SLC39A11: variants seen among roughly 807,000 people sequenced by gnomAD.
SLC39A11 encodes solute carrier family 39 member 11, also known as zinc transporter ZIP11.
A neutral mutation model predicts 36.1 loss-of-function variants in SLC39A11; 33 were observed. The ratio of observed to expected loss-of-function variants is 0.91; its 90% confidence interval spans 0.69 to 1.22. The LOEUF (loss-of-function observed/expected upper bound fraction) is 1.22. SLC39A11 is among the 50% of genes most tolerant of loss of function. The pLI, the probability that SLC39A11 is intolerant of heterozygous loss-of-function variation, is 0.00. For synonymous variants in SLC39A11, 166 were observed against 170.3 expected (o/e 0.97, Z 0.20); for missense variants, 432 against 430.3 (o/e 1.00, Z -0.03).
At chr17:72,661,538 T>C (rs2070420153) in intron 7 of SLC39A11, among the ~76,000 whole-genome samples, 1 of 152,194 alleles carries the variant, frequency 6.6e-6, no homozygotes, top group Non-Finnish European at 1.5e-5. Flanking sequence ...GGCAGGCCCT[T>C]ACATACTGTT....
intron 7 of SLC39A11, among the ~76,000 whole-genome samples, chr17:72,735,346 C>T (rs1033296640): frequency 2.6e-5 from 4 of 152,014 alleles, no homozygotes; most frequent in South Asian, 2.1e-4. Flanking sequence ...GTCCTCAGGG[C>T]GCATAAACAG....
intron 6 of SLC39A11, among the ~76,000 whole-genome samples, chr17:72,755,178 C>T (rs1450765284): frequency 2.0e-5 from 3 of 152,180 alleles, no homozygotes; most frequent in Admixed American, 2.0e-4. Context: ...GGCTTTCAAA[C>T]AGCTGCTGGG....
chr17:72,781,807 A>C (rs2076327766), intron 6 of SLC39A11, among the ~76,000 whole-genome samples: 1 of 152,084 alleles, frequency 6.6e-6, no homozygotes, highest in Non-Finnish European at 1.5e-5. Flanking sequence ...GAGCAGATGC[A>C]AGACGCTTTA....
intron 5 of SLC39A11, among the ~76,000 whole-genome samples, chr17:72,915,854 GT>G (rs1246954734): frequency 6.6e-6 from 1 of 152,208 alleles, no homozygotes; most frequent in Non-Finnish European, 1.5e-5. Flanking sequence ...AGTCTGCTAA[GT>G]AGACATTTTT....
chr17:72,728,828 C>T lies in SLC39A11; in HGVS notation c.671+7822G>A, dbSNP rs926082261. Among the ~76,000 whole-genome samples, 6 of 152,154 alleles carry T rather than the reference C, an allele frequency of 3.9e-5. No homozygotes were observed. The East Asian group carries it at 5.8e-4, about 15-fold the overall frequency. ...CCTTCTTCCCTCTCAGTTCACTCCA[C>T]GGCACGAGATTAACCTACGTCTCCT... On this transcript the variant is annotated intron_variant, in intron 7 of 9. Coordinates refer to ENST00000255559, the MANE Select transcript of SLC39A11 (RefSeq NM_139177.4).
intron 7 of SLC39A11, among the ~76,000 whole-genome samples, chr17:72,651,319 C>T (rs777386906): frequency 2.0e-5 from 3 of 151,792 alleles, no homozygotes; most frequent in Non-Finnish European, 4.4e-5. Context: ...GGAAAGCAGT[C>T]AAGCCCACCC....
intron 6 of SLC39A11, among the ~76,000 whole-genome samples, chr17:72,848,464 A>C (rs1156357819): frequency 6.6e-6 from 1 of 152,242 alleles, no homozygotes; most frequent in African/African-American, 2.4e-5. Context: ...TCACGCCTGT[A>C]GTCCCAACAC....
At chr17:73,042,250 A>C (rs1163143119) in intron 3 of SLC39A11, among the ~76,000 whole-genome samples, 1 of 152,244 alleles carries the variant, frequency 6.6e-6, no homozygotes. Flanking sequence ...TCTCGTAACA[A>C]ATAGGGGAAA....
chr17:72,762,505 C>T (rs2075623782), intron 6 of SLC39A11, among the ~76,000 whole-genome samples: 1 of 152,194 alleles, frequency 6.6e-6, no homozygotes, highest in Non-Finnish European at 1.5e-5. Flanking sequence ...TAATCCACCC[C>T]TTGTTTAGCA....
chr17:72,784,835 C>A (rs1174264507), intron 6 of SLC39A11, among the ~76,000 whole-genome samples: 2 of 150,744 alleles, frequency 1.3e-5, no homozygotes, highest in Non-Finnish European at 2.9e-5. Flanking sequence ...AACTGTGGGC[C>A]AATTAAACCT....
intron 7 of SLC39A11, among the ~76,000 whole-genome samples, chr17:72,692,479 C>T (rs969143179): frequency 2.6e-5 from 4 of 152,098 alleles, no homozygotes; most frequent in Admixed American, 2.0e-4. Flanking sequence ...TGGCGGAAGG[C>T]AAAAGGCACT....
intron 4 of SLC39A11, among the ~76,000 whole-genome samples, chr17:72,979,415 G>A (rs1441069773): frequency 6.6e-6 from 1 of 152,142 alleles, no homozygotes; most frequent in African/African-American, 2.4e-5. Context: ...ATGCTGAGAG[G>A]AACCTGGACT....
At chr17:72,871,812 G>A (rs2080645379) in intron 5 of SLC39A11, among the ~76,000 whole-genome samples, 1 of 152,198 alleles carries the variant, frequency 6.6e-6, no homozygotes, top group Non-Finnish European at 1.5e-5. Context: ...AACTTGAGGA[G>A]GGGGTTGTGG....
chr17:72,658,586 G>T (rs34938620), intron 7 of SLC39A11, among the ~76,000 whole-genome samples: 130 of 152,288 alleles, frequency 8.5e-4, no homozygotes, highest in Non-Finnish European at 1.4e-3. Context: ...CTTGGAGGTC[G>T]CCTGGCTCAA....
intron 7 of SLC39A11, among the ~76,000 whole-genome samples, chr17:72,729,405 T>TTTTATATA (rs1351785432): frequency 1.7e-4 from 5 of 29,240 alleles, no homozygotes; most frequent in Non-Finnish European, 2.9e-4. Flanking sequence ...ACCTGGCTAT[T>TTTTATATA]TATATATATA....
At chr17:72,849,902 T>C in intron 5 of SLC39A11, 98 bp from the exon 6 acceptor site, 3 of 1,247,582 alleles carry the variant, frequency 2.4e-6, no homozygotes, top group Non-Finnish European at 3.2e-6. Flanking sequence ...GAAGCTTCTT[T>C]TTCTTTTTTG....
At chr17:72,971,556 G>T (rs962914220) in intron 4 of SLC39A11, among the ~76,000 whole-genome samples, 2 of 152,168 alleles carry the variant, frequency 1.3e-5, no homozygotes, top group Admixed American at 6.5e-5. Flanking sequence ...ATCCACAGGA[G>T]AGAGTCTGCC....
At chr17:72,670,944 G>C (rs537159841) in intron 7 of SLC39A11, among the ~76,000 whole-genome samples, 11 of 152,300 alleles carry the variant, frequency 7.2e-5, no homozygotes, top group Middle Eastern at 3.4e-3. Context: ...GGGTATCACT[G>C]TTCCATGAAA....
intron 6 of SLC39A11, among the ~76,000 whole-genome samples, chr17:72,826,869 AG>A (rs1469279523): frequency 6.6e-6 from 1 of 152,256 alleles, no homozygotes; most frequent in African/African-American, 2.4e-5. Context: ...GTGAAGATGT[AG>A]AGAAACGGAA....
Sources: allele counts gnomAD v4.1 joint callset (sites outside exome capture counted in the v4.1 genomes callset), GRCh38; gene constraint gnomAD v4.1.1; transcripts MANE v1.5; gene names NCBI Gene and HGNC (gene_info 2026-07-23, HGNC 2026-07-21).